HROB: variants seen among roughly 807,000 people sequenced by gnomAD.
HROB encodes homologous recombination OB-fold protein.
Under a neutral mutation model 61.0 loss-of-function variants are expected in HROB, and 44 were observed. The ratio of observed to expected loss-of-function variants is 0.72; its 90% CI spans 0.57 to 0.93. HROB has a LOEUF of 0.93. Among genes scored for constraint, HROB ranks in the 40% least tolerant of loss-of-function variants. HROB has a pLI of 0.00. For missense variants in HROB, 716 were observed against 796.2 expected, an observed-to-expected ratio of 0.90 and a Z score of 1.21; for synonymous variants, 301 against 310.4, an observed-to-expected ratio of 0.97 and a Z score of 0.32.
At position 44,147,999 on chromosome 17, in the gene HROB, A is replaced by G; in HGVS notation, c.196A>G (p.Thr66Ala). Residue 66 changes from threonine (T) to alanine (A), a missense_variant, in exon 3 of 10, where the codon ACT becomes GCT. By Grantham distance (58) the Thr-to-Ala change is moderately conservative. Coordinates refer to ENST00000585683, the MANE Select transcript of HROB (RefSeq NM_001171251.3). Reference sequence around the variant, plus strand: ...CTCCAGGCTGCTGCTGTTACACCCCACTGCTCCCTCAGAGGCTTTGGGCCT... The same window carrying G: ...CTCCAGGCTGCTGCTGTTACACCCCGCTGCTCCCTCAGAGGCTTTGGGCCT... ...QSSRLLLLHP[T>A]APSEALGLPD... 1 of 1,613,640 alleles carries G rather than the reference A, an allele frequency of 6.2e-7. No individual in the cohort carries two copies. Among genetic ancestry groups the G allele is most frequent in the Non-Finnish European group, 8.5e-7 (1 of 1,179,900 alleles).
In HROB at chr17:44,162,169, C is replaced by T. The variant is rs1038647350; in HGVS notation, c.*237C>T. The T allele has an allele frequency of 2.0e-6, 1 of 504,388 alleles. No homozygotes were observed. Among genetic ancestry groups the T allele is most frequent in the African/African-American group, 1.9e-5 (1 of 51,486 alleles). 31.2% of individuals were successfully genotyped at this position (504,388 alleles called of 1,614,324 possible). A position where few individuals can be genotyped will look rare whatever the true frequency, so the allele number is the denominator to read the frequency against. On this transcript the variant is annotated 3_prime_UTR_variant, in exon 10 of 10. Transcript: ENST00000585683. ...ATCCGGCCGGAGACTGGCTCTCCAG[C>T]CAACAAGAAAGGCCTGTCACCCTCG...
chr17:44,155,707 C>T (rs1598104861), intron 8 of HROB, among the ~76,000 whole-genome samples: 1 of 152,222 alleles, frequency 6.6e-6, no homozygotes, highest in Non-Finnish European at 1.5e-5. Flanking sequence ...AAGTGGAGGG[C>T]CCACCAGGGG....
Position 44,154,899 on chromosome 17 carries a change from G to T in HROB, c.1605G>T (p.Gln535His). The T allele has an allele frequency of 6.2e-7, 1 of 1,614,066 alleles. No individual in the cohort carries two copies. Among genetic ancestry groups the T allele is most frequent in the South Asian group, 1.1e-5 (1 of 91,056 alleles). Residue 535 changes from glutamine (Q) to histidine (H), a missense_variant, in exon 7 of 10, where the codon CAG becomes CAT. By Grantham distance (24) the Gln-to-His change is conservative. Transcript: ENST00000585683. ...TVHRLLLETC[Q>H]NELKPGSVLL... ...ACAGGTTGCTGCTGGAGACGTGCCA[G>T]AATGAGCTGAAGCCTGGCTCAGTGC...
intron 1 of HROB, among the ~76,000 whole-genome samples, chr17:44,143,974 C>A (rs1388884340): frequency 1.3e-5 from 2 of 151,838 alleles, no homozygotes; most frequent in Non-Finnish European, 2.9e-5. Context: ...GTTTTTTAAT[C>A]TTTCTTTCCT....
intron 8 of HROB, 80 bp downstream of exon 8, chr17:44,155,491 C>T (rs1310908123): frequency 1.3e-6 from 2 of 1,570,750 alleles, no homozygotes; most frequent in Non-Finnish European, 1.7e-6. Context: ...TCTCTTCCAC[C>T]CTGGGGAGCA....
chr17:44,155,721 G>A (rs566537409), intron 8 of HROB, among the ~76,000 whole-genome samples: 3 of 152,298 alleles, frequency 2.0e-5, no homozygotes, highest in Non-Finnish European at 4.4e-5. Context: ...CCAGGGGGTG[G>A]TGGCAGTAAA....
intron 7 of HROB, 116 bp from the exon 8 acceptor site, chr17:44,155,170 T>C: frequency 6.7e-7 from 1 of 1,485,932 alleles, no homozygotes; most frequent in Non-Finnish European, 9.2e-7. Context: ...ATGGTTCTCT[T>C]CTGGCACCAA....
chr17:44,155,178 C>T, intron 7 of HROB, 108 bp from the exon 8 acceptor site: 1 of 1,509,996 alleles, frequency 6.6e-7, no homozygotes, highest in Non-Finnish European at 9.0e-7. Flanking sequence ...CTTCTGGCAC[C>T]AAGGCTAGGC....
chr17:44,143,707 C>A (rs531613009), intron 1 of HROB, among the ~76,000 whole-genome samples: 9 of 151,924 alleles, frequency 5.9e-5, no homozygotes, highest in African/African-American at 1.9e-4. Flanking sequence ...GTCCCAGTTA[C>A]TCAGGAGGTT....
Position 44,147,967 on chromosome 17 carries a change from C to T in HROB, c.164C>T (p.Ala55Val), listed in dbSNP as rs2053662937. 6.2e-7 allele frequency: 1 copy of T among 1,614,130 alleles called. No homozygotes were observed. The highest frequency in any genetic ancestry group is 8.5e-7 in the Non-Finnish European group (1 of 1,180,044). Residue 55 changes from alanine to valine, a missense_variant, in exon 3 of 10, where the codon GCA becomes GTA. Physicochemically the swap from Ala to Val is moderately conservative, Grantham distance 64. Coordinates refer to ENST00000585683, the MANE Select transcript of HROB (RefSeq NM_001171251.3). Reference protein sequence around the residue: ...VSSRPQETVQAQSSRLLLLHP... With the variant: ...VSSRPQETVQVQSSRLLLLHP... ...TCTAGGCCACAGGAGACTGTGCAGG[C>T]ACAGTCCTCCAGGCTGCTGCTGTTA...
intron 9 of HROB, among the ~76,000 whole-genome samples, chr17:44,159,521 G>T (rs1431088009): frequency 6.6e-6 from 1 of 152,154 alleles, no homozygotes; most frequent in Non-Finnish European, 1.5e-5. Flanking sequence ...AGGAAAGACA[G>T]CTGGGCCCAA....
rs1206171593 is a variant in HROB, at chr17:44,162,179, A to G, written c.*247A>G. On this transcript the variant is annotated 3_prime_UTR_variant, in exon 10 of 10. Transcript: ENST00000585683. Reference sequence around the variant, plus strand: ...AGACTGGCTCTCCAGCCAACAAGAAAGGCCTGTCACCCTCGCCTTGGGTGT... The same window carrying G: ...AGACTGGCTCTCCAGCCAACAAGAAGGGCCTGTCACCCTCGCCTTGGGTGT... 1 of 495,972 alleles carries G rather than the reference A, an allele frequency of 2.0e-6. No individual in the cohort carries two copies. The highest frequency in any genetic ancestry group is 3.6e-6 in the Non-Finnish European group (1 of 276,158). 30.7% of individuals were successfully genotyped at this position (495,972 alleles called of 1,614,324 possible).
rs1470002505 is a variant in HROB at position 44,162,046 on chromosome 17, G to A, written c.*114G>A. The A allele has an allele frequency of 4.9e-6, 6 of 1,236,434 alleles. No individual in the cohort carries two copies. Among genetic ancestry groups the A allele is most frequent in the Non-Finnish European group, 4.6e-6 (4 of 871,376 alleles). The allele number at this position is 1,236,434 out of a possible 1,614,324, so 76.6% of individuals were successfully genotyped here. The stretch of plus-strand genomic sequence containing the variant: ...GATTGGAGAGTGGACACAGCCGGGG[G>A]GCTTCTGTGGTTGCTCCCACCCTGG... On this transcript the variant is annotated 3_prime_UTR_variant, in exon 10 of 10. Transcript: ENST00000585683.
chr17:44,154,407 T>A (rs977096978), intron 5 of HROB, 149 bp from the exon 6 acceptor site: 7 of 670,972 alleles, frequency 1.0e-5, no homozygotes, highest in African/African-American at 1.8e-5. Context: ...CAGAGAGAGA[T>A]GGGGTACCTC....
Position 44,154,852 on chromosome 17 carries a change from G to T in HROB, c.1559-1G>T. The T allele has an allele frequency of 6.2e-7, 1 of 1,614,092 alleles. No individual in the cohort carries two copies. The highest frequency in any genetic ancestry group is 8.5e-7 in the Non-Finnish European group (1 of 1,180,014). ...ACTGATGGGCCATGTGGTATTTGCA[G>T]GAGAGATGCAGGGGACGGTGCACAG... On this transcript the variant is annotated splice_acceptor_variant, in intron 6 of 9. Transcript: ENST00000585683. LOFTEE classifies it high-confidence loss of function.
At chr17:44,154,503 GAAGTCAC>G (rs2053911596) in intron 5 of HROB, 46 bp from the exon 6 acceptor site, 1 of 1,578,678 alleles carries the variant, frequency 6.3e-7, no homozygotes, top group African/African-American at 1.3e-5. Context: ...GGAGACCTGG[GAAGTCAC>G]AAGTGGGCCG....
intron 1 of HROB, among the ~76,000 whole-genome samples, chr17:44,144,282 GAT>G (rs2053547448): frequency 6.6e-6 from 1 of 152,040 alleles, no homozygotes; most frequent in African/African-American, 2.4e-5. Flanking sequence ...TGGGATTACA[GAT>G]GCCCACCACC....
Position 44,148,874 on chromosome 17 carries a change from A to G in HROB, c.1071A>G (p.Lys357=). The change falls in exon 3 of 10, where the codon AAA becomes AAG. Residue 357 remains lysine (K), a synonymous_variant. Transcript: ENST00000585683. ...TTGGGTCTCCTGTTGGTACCCCAAA[A>G]GGTCCCCAGGGAGCTCTGCAGACAC... ...SSIGSPVGTP[K]GPQGALQTPI... is the part of the protein sequence containing the mutation. 1 of 1,614,156 alleles carries G rather than the reference A, an allele frequency of 6.2e-7. No homozygotes were observed. The highest frequency in any genetic ancestry group is 1.6e-4 in the Middle Eastern group (1 of 6,062).
In HROB at chr17:44,148,012, A is replaced by G. The variant is rs1385057688; in HGVS notation, c.209A>G (p.Glu70Gly). The G allele has an allele frequency of 6.2e-7, 1 of 1,613,968 alleles. No individual in the cohort carries two copies. The highest frequency in any genetic ancestry group is 8.5e-7 in the Non-Finnish European group (1 of 1,180,008). ...CTGTTACACCCCACTGCTCCCTCAGAGGCTTTGGGCCTGCCAGACTTGGAC... is the reference window on the plus strand; with the variant it reads ...CTGTTACACCCCACTGCTCCCTCAGGGGCTTTGGGCCTGCCAGACTTGGAC... The part of the protein sequence containing the change: ...LLLLHPTAPS[E>G]ALGLPDLDLC... The change falls in exon 3 of 10, where the codon GAG becomes GGG. Residue 70 changes from glutamate to glycine, a missense_variant. Physicochemically the swap from Glu to Gly is moderately conservative, Grantham distance 98. Transcript: ENST00000585683.
Sources: gnomAD v4.1 joint callset for allele counts (sites outside exome capture counted in the v4.1 genomes callset) on GRCh38, gnomAD v4.1.1 for gene constraint, MANE v1.5 for transcripts, NCBI Gene and HGNC (gene_info 2026-07-23, HGNC 2026-07-21) for gene names.